MTFR1: variants seen among roughly 807,000 people sequenced by gnomAD.
The protein encoded by MTFR1 is chondrocyte protein with a poly-proline region.
A neutral mutation model predicts 38.8 loss-of-function variants in MTFR1; 28 were observed. The ratio of observed to expected loss-of-function variants is 0.72; its 90% CI spans 0.53 to 0.99. MTFR1 has a LOEUF of 0.99. Among genes scored for constraint, MTFR1 ranks in the 50% least tolerant of loss-of-function variants. The probability of loss-of-function intolerance (pLI) is 0.00; values close to 1 mark genes in which losing one functional copy is unlikely to be tolerated. For missense variants in MTFR1, 358 were observed against 395.5 expected (o/e 0.91, Z 0.81); for synonymous variants, 145 against 137.0 (o/e 1.06, Z -0.41).
At chr8:65,669,254 A>AC (rs1804490389) in intron 1 of MTFR1, among the ~76,000 whole-genome samples, 1 of 152,074 alleles carries the variant, frequency 6.6e-6, no homozygotes, top group South Asian at 2.1e-4. Context: ...AACTGCGTGG[A>AC]CCCTGTCTGT....
At chr8:65,673,361 A>T (rs1333277535) in intron 2 of MTFR1, among the ~76,000 whole-genome samples, 4 of 150,850 alleles carry the variant, frequency 2.7e-5, no homozygotes, top group Non-Finnish European at 1.5e-5. Flanking sequence ...AACGTCAAAG[A>T]TCACCACTGA....
intron 1 of MTFR1, among the ~76,000 whole-genome samples, chr8:65,660,291 CAAAA>C (rs1358969347): frequency 5.9e-5 from 4 of 67,442 alleles, no homozygotes; most frequent in Admixed American, 1.8e-4. Context: ...AACTCTGTCT[CAAAA>C]AAAAAAAAAA....
At chr8:65,646,321 A>G (rs1808964819) in intron 1 of MTFR1, among the ~76,000 whole-genome samples, 1 of 152,204 alleles carries the variant, frequency 6.6e-6, no homozygotes, top group South Asian at 2.1e-4. Flanking sequence ...AGAATTCAGA[A>G]TGCTACTCTT....
At chr8:65,777,578 C>T in the MTFR1 span, among the ~76,000 whole-genome samples, 2 of 152,138 alleles carry the variant, frequency 1.3e-5, no homozygotes, top group African/African-American at 4.8e-5. Flanking sequence ...CTTTCCACAA[C>T]CTTGTCATGT....
chr8:65,749,082 G>C (rs1486630860), intron 3 of MTFR1, among the ~76,000 whole-genome samples: 1 of 152,204 alleles, frequency 6.6e-6, no homozygotes, highest in East Asian at 1.9e-4. Flanking sequence ...AGCACATTCA[G>C]TACACTGCCC....
intron 3 of MTFR1, among the ~76,000 whole-genome samples, chr8:65,725,791 G>C (rs1207576541): frequency 6.6e-6 from 1 of 151,786 alleles, no homozygotes; most frequent in South Asian, 2.1e-4. Flanking sequence ...AACTCAACAG[G>C]GTTAATCATC....
chr8:65,677,384 CTTTTTTTTTT>C (rs771296415), intron 2 of MTFR1, among the ~76,000 whole-genome samples: 1 of 104,684 alleles, frequency 9.6e-6, no homozygotes, highest in Non-Finnish European at 2.0e-5. Flanking sequence ...TTAGCTGTTT[CTTTTTTTTTT>C]TTTTTTTTGA....
intron 3 of MTFR1, among the ~76,000 whole-genome samples, chr8:65,751,561 C>T (rs370711274): frequency 8.6e-5 from 13 of 151,828 alleles, no homozygotes; most frequent in Admixed American, 2.0e-4. Context: ...GGTGCGATAT[C>T]GGCTCACCGC....
At chr8:65,652,314 C>G (rs1048844585) in intron 1 of MTFR1, among the ~76,000 whole-genome samples, 3 of 152,186 alleles carry the variant, frequency 2.0e-5, no homozygotes, top group African/African-American at 7.2e-5. Context: ...TGGTCTCAAA[C>G]TCCTGGCCTC....
chr8:65,773,065 G>A (rs964601628), downstream of MTFR1, among the ~76,000 whole-genome samples: 1 of 152,148 alleles, frequency 6.6e-6, no homozygotes, highest in African/African-American at 2.4e-5. Flanking sequence ...ACAAGTTCAG[G>A]CTAATGTTTA....
At chr8:65,734,702 A>G (rs1807049296) in intron 3 of MTFR1, 2 of 727,702 alleles carry the variant, frequency 2.7e-6, no homozygotes, top group Non-Finnish European at 4.9e-6. Context: ...TGTGATTTTC[A>G]GTCAAAGCAG....
At chr8:65,702,562 T>C (rs28581479) in intron 4 of MTFR1, among the ~76,000 whole-genome samples, 7 of 152,130 alleles carry the variant, frequency 4.6e-5, no homozygotes, top group Non-Finnish European at 7.4e-5. Flanking sequence ...AGATTATTCG[T>C]TTTCTACCAA....
intron 3 of MTFR1, among the ~76,000 whole-genome samples, chr8:65,750,087 T>G (rs1450936619): frequency 1.3e-5 from 2 of 152,234 alleles, no homozygotes; most frequent in African/African-American, 4.8e-5. Flanking sequence ...ATCTCTGTAT[T>G]TGTAAAGCAC....
downstream of MTFR1, among the ~76,000 whole-genome samples, chr8:65,774,326 A>G (rs375964562): frequency 4.0e-5 from 5 of 123,726 alleles, no homozygotes; most frequent in East Asian, 1.0e-3. Flanking sequence ...AATATTATAA[A>G]AAGTTATATT....
chr8:65,743,538 C>G (rs1300783320), intron 3 of MTFR1, among the ~76,000 whole-genome samples: 1 of 152,220 alleles, frequency 6.6e-6, no homozygotes, highest in Non-Finnish European at 1.5e-5. Flanking sequence ...AGTTTATTTT[C>G]TGTCAACACT....
intron 4 of MTFR1, among the ~76,000 whole-genome samples, chr8:65,695,802 G>T (rs1360347694): frequency 1.3e-5 from 2 of 152,204 alleles, no homozygotes; most frequent in African/African-American, 2.4e-5. Flanking sequence ...ATATTGGTAA[G>T]GAAGGCCTAT....
chr8:65,765,153 T>C (rs1216115620), intron 3 of MTFR1, among the ~76,000 whole-genome samples: 1 of 152,176 alleles, frequency 6.6e-6, no homozygotes, highest in Non-Finnish European at 1.5e-5. Context: ...CCTGCTGCCC[T>C]AGCATGGGAT....
chr8:65,702,602 T>G lies in MTFR1; in HGVS notation c.282-2092T>G, dbSNP rs548315957. 9.9e-5 allele frequency among the ~76,000 whole-genome samples: 15 copies of G among 152,102 alleles called. No homozygotes were observed. The East Asian group carries it at 2.5e-3, about 25-fold the overall frequency. ...ATATTTCAGGAAACTAAATTACCAG[T>G]TTTTTTTCCCTGGATTCTAGGACAA... On this transcript the variant is annotated intron_variant, in intron 4 of 7. Transcript: ENST00000262146.
rs533422510 is a variant in MTFR1, at chr8:65,768,288, T to A, written c.*49-2659T>A. 5.9e-5 allele frequency among the ~76,000 whole-genome samples: 9 copies of A among 152,340 alleles called. No individual in the cohort carries two copies. In the South Asian group the frequency reaches 1.9e-3, roughly 32 times the overall value. On this transcript the variant is annotated intron_variant, in intron 3 of 3. Coordinates refer to the MTFR1 transcript ENST00000521247. ...GCCACTAGTATAATTCTGATATGGT[T>A]TGGCTGTGCCCCCACCCAAATCTCA...
Sources: allele counts gnomAD v4.1 joint callset (sites outside exome capture counted in the v4.1 genomes callset), GRCh38; gene constraint gnomAD v4.1.1; transcripts MANE v1.5; gene names NCBI Gene and HGNC (gene_info 2026-07-23, HGNC 2026-07-21).